LMX1A: variants seen among roughly 807,000 people sequenced by gnomAD.
LMX1A encodes the protein LIM homeobox transcription factor 1-alpha.
LMX1A carries 15 observed loss-of-function variants against 49.1 expected under a neutral mutation model. The ratio of observed to expected loss-of-function variants is 0.31; its 90% CI spans 0.20 to 0.47. The LOEUF (loss-of-function observed/expected upper bound fraction) is 0.47. Ranked by LOEUF, LMX1A falls within the 20% of genes least tolerant of loss-of-function variation. The pLI is 1.00. For synonymous variants in LMX1A, 167 were observed against 185.7 expected, an observed-to-expected ratio of 0.90 and a Z score of 0.82; for missense variants, 372 against 475.8, an observed-to-expected ratio of 0.78 and a Z score of 2.03.
intron 4 of LMX1A, 36 bp from the exon 5 acceptor site, chr1:165,213,849 A>C (rs1461062557): frequency 4.4e-6 from 7 of 1,603,188 alleles, no homozygotes. Context: ...TGAGTCCCTG[A>C]AAGCCAGTTC....
chr1:165,295,883 G>T (rs1010611414), intron 3 of LMX1A, among the ~76,000 whole-genome samples: 1 of 152,130 alleles, frequency 6.6e-6, no homozygotes, highest in Admixed American at 6.5e-5. Flanking sequence ...GAACATATGG[G>T]CCTGGAATCT....
chr1:165,326,378 C>A (rs1310497264), intron 3 of LMX1A, among the ~76,000 whole-genome samples: 1 of 152,198 alleles, frequency 6.6e-6, no homozygotes, highest in Non-Finnish European at 1.5e-5. Context: ...TAATATTAAC[C>A]GTAACTGCTT....
At chr1:165,309,645 C>A (rs1454873616) in intron 3 of LMX1A, among the ~76,000 whole-genome samples, 1 of 152,222 alleles carries the variant, frequency 6.6e-6, no homozygotes, top group African/African-American at 2.4e-5. Flanking sequence ...TGGCTCTCGG[C>A]AGCCTCTCCA....
rs73027291 is a variant in LMX1A at position 165,227,710 on chromosome 1, C to A, written c.497-13897G>T. Among the ~76,000 whole-genome samples the A allele has an allele frequency of 2.7e-3, 418 of 152,188 alleles. 4 individuals are homozygous for A. The highest frequency in any genetic ancestry group is 9.8e-3 in the African/African-American group (405 of 41,518). ...AAATTTCAGCTTCCTGTACTGAGCA[C>A]CATAGTATCCATTCAAGAAATTCAA... On this transcript the variant is annotated intron_variant, in intron 4 of 8. Coordinates refer to ENST00000342310, the MANE Select transcript of LMX1A (RefSeq NM_177398.4).
chr1:165,222,004 A>G (rs1651870107), intron 4 of LMX1A, among the ~76,000 whole-genome samples: 1 of 150,736 alleles, frequency 6.6e-6, no homozygotes, highest in African/African-American at 2.4e-5. Context: ...GAATTTTTCC[A>G]TCTCTTTCTC....
At chr1:165,317,777 G>A (rs755125454) in intron 3 of LMX1A, among the ~76,000 whole-genome samples, 16 of 152,186 alleles carry the variant, frequency 1.1e-4, no homozygotes, top group East Asian at 5.8e-4. Flanking sequence ...CCGATCTCAC[G>A]TCATCCTCTG....
At chr1:165,302,305 G>A (rs892360361) in intron 3 of LMX1A, among the ~76,000 whole-genome samples, 5 of 152,014 alleles carry the variant, frequency 3.3e-5, no homozygotes, top group Non-Finnish European at 7.4e-5. Flanking sequence ...TTAGCCGGGT[G>A]TTGTGGTGCA....
At chr1:165,234,892 T>C (rs1652372726) in intron 4 of LMX1A, among the ~76,000 whole-genome samples, 1 of 152,172 alleles carries the variant, frequency 6.6e-6, no homozygotes, top group African/African-American at 2.4e-5. Context: ...AATCTAACAA[T>C]CATTCTCCCA....
intron 3 of LMX1A, among the ~76,000 whole-genome samples, chr1:165,281,458 G>A (rs535724542): frequency 1.1e-4 from 16 of 152,160 alleles, no homozygotes; most frequent in Non-Finnish European, 1.6e-4. Context: ...CGCTGCAAAC[G>A]TGGAGTCCAG....
At chr1:165,296,270 C>T (rs1013906885) in intron 3 of LMX1A, among the ~76,000 whole-genome samples, 5 of 152,262 alleles carry the variant, frequency 3.3e-5, no homozygotes, top group African/African-American at 9.6e-5. Context: ...GTTTCAACAA[C>T]GAAGAGAAAT....
intron 5 of LMX1A, 23 bp from the exon 6 acceptor site, chr1:165,210,799 T>G: frequency 2.5e-6 from 4 of 1,582,830 alleles, no homozygotes; most frequent in Non-Finnish European, 2.6e-6. Context: ...GAACGAGAAA[T>G]GTAGACACAC....
intron 3 of LMX1A, among the ~76,000 whole-genome samples, chr1:165,285,103 G>A (rs1358084135): frequency 6.6e-6 from 1 of 152,080 alleles, no homozygotes; most frequent in African/African-American, 2.4e-5. Flanking sequence ...TAGTTTCCCT[G>A]GTTTTAAATA....
intron 3 of LMX1A, among the ~76,000 whole-genome samples, chr1:165,267,739 C>T (rs139068688): frequency 5.9e-5 from 9 of 152,172 alleles, no homozygotes; most frequent in East Asian, 1.9e-4. Context: ...TTCAAGGGAA[C>T]GGGAGTAATG....
chr1:165,279,998 G>A (rs762476059), intron 3 of LMX1A, among the ~76,000 whole-genome samples: 4 of 152,006 alleles, frequency 2.6e-5, no homozygotes, highest in African/African-American at 7.3e-5. Context: ...GCAGCCCTAC[G>A]GAGAGAGAAA....
intron 3 of LMX1A, among the ~76,000 whole-genome samples, chr1:165,294,298 C>G (rs1654556070): frequency 6.6e-6 from 1 of 152,236 alleles, no homozygotes; most frequent in South Asian, 2.1e-4. Flanking sequence ...GGCTGTGACT[C>G]CAGTGGTTGC....
chr1:165,325,793 A>T (rs1655560287), intron 3 of LMX1A, among the ~76,000 whole-genome samples: 1 of 152,220 alleles, frequency 6.6e-6, no homozygotes, highest in Admixed American at 6.5e-5. Context: ...ATAAGCCAGG[A>T]GAGTTAATAA....
chr1:165,249,664 A>G lies in LMX1A; in HGVS notation c.264-24T>C, dbSNP rs114700108. On this transcript the variant is annotated intron_variant, in intron 3 of 8. Transcript: ENST00000342310. ...GCCTGGCAGCAGGGAGAAAGGAAGT[A>G]CATGCACCATGAGTAAAATCTGGCT... The G allele has an allele frequency of 8.9e-4, 1,415 of 1,589,076 alleles. 9 individuals are homozygous for G. The African/African-American group carries it at 0.018, about 20-fold the overall frequency.
intron 3 of LMX1A, among the ~76,000 whole-genome samples, chr1:165,294,005 C>G (rs1654548748): frequency 6.6e-6 from 1 of 152,090 alleles, no homozygotes. Flanking sequence ...TCATTAGAGC[C>G]CTATGAAAGA....
At chr1:165,213,415 T>C in intron 5 of LMX1A, 1 of 455,552 alleles carries the variant, frequency 2.2e-6, no homozygotes, top group East Asian at 3.4e-5. Context: ...CAGGGGCCAT[T>C]TGGAGTTGGT....
Sources: allele counts gnomAD v4.1 joint callset (sites outside exome capture counted in the v4.1 genomes callset), GRCh38; gene constraint gnomAD v4.1.1; transcripts MANE v1.5; gene names NCBI Gene and HGNC (gene_info 2026-07-23, HGNC 2026-07-21).